The following PIEZO2 variants were observed in gnomAD, a reference collection of about 807,000 sequenced individuals.
The protein encoded by PIEZO2 is piezo-type mechanosensitive ion channel component 2.
In PIEZO2, 172 loss-of-function variants were observed where a neutral mutation model predicts 337.3. That is an observed-to-expected ratio of 0.51 (90% CI 0.45 to 0.58). The LOEUF (loss-of-function observed/expected upper bound fraction) is 0.58. Ranked by LOEUF, PIEZO2 falls within the 20% of genes least tolerant of loss-of-function variation. The probability of loss-of-function intolerance (pLI) is 0.00; values close to 1 mark genes in which losing one functional copy is unlikely to be tolerated. For synonymous variants in PIEZO2, 1,251 were observed against 1,228.5 expected (o/e 1.02, Z -0.38); for missense variants, 3,028 against 3,391.3 (o/e 0.89, Z 2.66).
rs540408101 is a variant in PIEZO2 at position 10,961,106 on chromosome 18, G to T, written c.286+18429C>A. Among the ~76,000 whole-genome samples, 4 of 152,070 alleles carry T rather than the reference G, an allele frequency of 2.6e-5. No individual in the cohort carries two copies. The South Asian group carries it at 6.2e-4, about 24-fold the overall frequency. On this transcript the variant is annotated intron_variant, in intron 3 of 55. Coordinates refer to ENST00000674853, the MANE Select transcript of PIEZO2 (RefSeq NM_001378183.1). ...TGAGGCAGGAGAATGGTGTGAACCC[G>T]GGAGGCAGAGCTTGCAGTGAGCCAA...
intron 3 of PIEZO2, among the ~76,000 whole-genome samples, chr18:10,978,516 G>A (rs1482515886): frequency 6.6e-6 from 1 of 152,092 alleles, no homozygotes; most frequent in African/African-American, 2.4e-5. Flanking sequence ...CAATAAAATG[G>A]CTGGATTGAA....
At chr18:11,142,455 G>C (rs980110531) in intron 1 of PIEZO2, among the ~76,000 whole-genome samples, 1 of 152,176 alleles carries the variant, frequency 6.6e-6, no homozygotes, top group Non-Finnish European at 1.5e-5. Context: ...TGAGGAATAT[G>C]ACAAACCTCG....
intron 33 of PIEZO2, 23 bp downstream of exon 33, chr18:10,741,008 G>C (rs898658961): frequency 6.6e-7 from 1 of 1,525,594 alleles, no homozygotes; most frequent in African/African-American, 1.4e-5. Flanking sequence ...CGATGAGGTT[G>C]TAAGGGGATC....
intron 4 of PIEZO2, chr18:10,893,524 G>A (rs2042812663): frequency 6.6e-6 from 1 of 152,258 alleles, no homozygotes; most frequent in Non-Finnish European, 1.5e-5. Flanking sequence ...GGGTCTCTCT[G>A]CATGGGTTCC....
At chr18:11,024,112 G>A (rs749475959) in intron 2 of PIEZO2, among the ~76,000 whole-genome samples, 1 of 152,242 alleles carries the variant, frequency 6.6e-6, no homozygotes, top group Non-Finnish European at 1.5e-5. Context: ...GCGGTGAGCT[G>A]AAGGGCTCCT....
At position 11,148,593 on chromosome 18, in the gene PIEZO2, T is replaced by C; in HGVS notation, c.-5A>G. 6.5e-7 allele frequency: 1 copy of C among 1,536,944 alleles called. No individual in the cohort carries two copies. Among genetic ancestry groups the C allele is most frequent in the Non-Finnish European group, 8.7e-7 (1 of 1,146,828 alleles). On this transcript the variant is annotated 5_prime_UTR_variant, in exon 1 of 56. Transcript: ENST00000674853. The surrounding 1 kb of genome is among the most constrained non-coding windows in gnomAD (Gnocchi z 5.2). The stretch of plus-strand genomic sequence containing the variant: ...GCACACCACTTCTGAGGCCATCGCG[T>C]CGGTCCGGCGAGTCGGAGCAGAGGG...
chr18:10,806,987 C>T, intron 8 of PIEZO2, 125 bp downstream of exon 8: 1 of 993,670 alleles, frequency 1.0e-6, no homozygotes, highest in Non-Finnish European at 1.4e-6. Flanking sequence ...AACATCATAC[C>T]CAGAACACTA....
chr18:10,934,336 A>T (rs1453928699), intron 3 of PIEZO2, among the ~76,000 whole-genome samples: 1 of 152,182 alleles, frequency 6.6e-6, no homozygotes, highest in Non-Finnish European at 1.5e-5. Flanking sequence ...CCCTCCCTGC[A>T]AGTCATCACC....
chr18:11,037,251 C>T (rs2036956129), intron 2 of PIEZO2, among the ~76,000 whole-genome samples: 1 of 152,194 alleles, frequency 6.6e-6, no homozygotes, highest in Admixed American at 6.5e-5. Flanking sequence ...CGTTTTGCAA[C>T]ACTTATTACA....
rs2032765337 is a variant in PIEZO2, at chr18:10,942,204, G to C, written c.287-30976C>G. On this transcript the variant is annotated intron_variant, in intron 3 of 55. Coordinates refer to ENST00000674853, the MANE Select transcript of PIEZO2 (RefSeq NM_001378183.1). The surrounding 1 kb of genome is among the most constrained non-coding windows in gnomAD (Gnocchi z 4.4). ...TCAGTAAATTGGTACCAGTAGGGTG[G>C]GGCGCTGCTGAAAAGATATCCCAAA... 6.6e-6 allele frequency among the ~76,000 whole-genome samples: 1 copy of C among 152,140 alleles called. No individual in the cohort carries two copies. The highest frequency in any genetic ancestry group is 1.5e-5 in the Non-Finnish European group (1 of 68,032).
At chr18:10,831,975 C>T (rs2040855934) in intron 7 of PIEZO2, among the ~76,000 whole-genome samples, 1 of 152,078 alleles carries the variant, frequency 6.6e-6, no homozygotes, top group Non-Finnish European at 1.5e-5. Flanking sequence ...CAACGTTCTT[C>T]CCAAAACAAT....
intron 3 of PIEZO2, among the ~76,000 whole-genome samples, chr18:10,958,875 G>A (rs75647447): frequency 4.8e-4 from 73 of 152,228 alleles, no homozygotes; most frequent in African/African-American, 1.7e-3. Flanking sequence ...TATGAGAATT[G>A]TATATTATTG....
In PIEZO2 at chr18:10,794,423, A is replaced by G. The variant is rs2144203922; in HGVS notation, c.1758+349T>C. On this transcript the variant is annotated intron_variant, in intron 13 of 55. Transcript: ENST00000674853. This position sits in a 1 kb window ranked among gnomAD's most constrained non-coding sequence, Gnocchi z 6.6. The stretch of plus-strand genomic sequence containing the variant: ...AGCATGTTTTATAAAATGATAATCA[A>G]AGACAGTCCTATAATCCCTTAACAC... 6.6e-6 allele frequency among the ~76,000 whole-genome samples: 1 copy of G among 152,330 alleles called. No individual in the cohort carries two copies. Among genetic ancestry groups the G allele is most frequent in the South Asian group, 2.1e-4 (1 of 4,828 alleles).
rs1009218455 is a variant in PIEZO2 at position 10,903,309 on chromosome 18, T to C, written c.329+7877A>G. On this transcript the variant is annotated intron_variant, in intron 4 of 55. Transcript: ENST00000674853. This position sits in a 1 kb window ranked among gnomAD's most constrained non-coding sequence, Gnocchi z 4.1. The stretch of plus-strand genomic sequence containing the variant: ...TATATTGCTGCTCGAGTGACATTTC[T>C]AGAAGCACATCTAAGCTTACCTTCT... Among the ~76,000 whole-genome samples the C allele has an allele frequency of 2.0e-5, 3 of 152,162 alleles. No homozygotes were observed. Among genetic ancestry groups the C allele is most frequent in the African/African-American group, 7.2e-5 (3 of 41,436 alleles).
intron 49 of PIEZO2, 21 bp downstream of exon 49, chr18:10,689,634 G>A: frequency 1.9e-6 from 3 of 1,614,014 alleles, no homozygotes; most frequent in Non-Finnish European, 2.5e-6. Context: ...CAGGAATAAG[G>A]CACATCTCCT....
In PIEZO2 at chr18:10,795,351, A is replaced by ATTATTTTATTTTATT. The variant is rs10694670; in HGVS notation, c.1528-364_1528-350dup. On this transcript the variant is annotated intron_variant, in intron 12 of 55. Coordinates refer to ENST00000674853, the MANE Select transcript of PIEZO2 (RefSeq NM_001378183.1). This position sits in a 1 kb window ranked among gnomAD's most constrained non-coding sequence, Gnocchi z 4.4. ...ATTTTATTTTATTTTATTTTATTTTATTATTTTATTTTATTTTATTTTATT... is the reference window on the plus strand; with the variant it reads ...ATTTTATTTTATTTTATTTTATTTTATTATTTTATTTTATTTTATTTTATTTTATTTTATTTTATT... Among the ~76,000 whole-genome samples, 29 of 20,530 alleles carry ATTATTTTATTTTATT rather than the reference A, an allele frequency of 1.4e-3. No individual in the cohort carries two copies. Among genetic ancestry groups the ATTATTTTATTTTATT allele is most frequent in the African/African-American group, 2.2e-3 (16 of 7,160 alleles). The allele number at this position is 20,530 out of a possible 152,430, so 13.5% of individuals were successfully genotyped here. A position where few individuals can be genotyped will look rare whatever the true frequency, so the allele number is the denominator to read the frequency against.
rs2040611849 is a variant in PIEZO2, at chr18:10,824,508, G to C, written c.918-17234C>G. On this transcript the variant is annotated intron_variant, in intron 7 of 55. Transcript: ENST00000674853. This position sits in a 1 kb window ranked among gnomAD's most constrained non-coding sequence, Gnocchi z 4.4. ...AATAAAATTTTAAATGAACATGACA[G>C]AGAAATTTAGATTTAGATTTCTAGA... 6.6e-6 allele frequency among the ~76,000 whole-genome samples: 1 copy of C among 152,144 alleles called. No individual in the cohort carries two copies. The highest frequency in any genetic ancestry group is 2.4e-5 in the African/African-American group (1 of 41,436).
At chr18:11,008,302 G>T (rs1295803118) in intron 2 of PIEZO2, among the ~76,000 whole-genome samples, 2 of 152,186 alleles carry the variant, frequency 1.3e-5, no homozygotes, top group African/African-American at 4.8e-5. Context: ...GCTTGTCTCT[G>T]CATTGAAAAT....
At chr18:11,089,826 G>A (rs981721345) in intron 1 of PIEZO2, among the ~76,000 whole-genome samples, 2 of 152,204 alleles carry the variant, frequency 1.3e-5, no homozygotes, top group African/African-American at 4.8e-5. Flanking sequence ...TTCCAGCTCT[G>A]TCCAACGAGC....
Sources: gnomAD v4.1 joint callset for allele counts (sites outside exome capture counted in the v4.1 genomes callset) on GRCh38, gnomAD v4.1.1 for gene constraint, Gnocchi (gnomAD v3.1) non-coding constraint, MANE v1.5 for transcripts, NCBI Gene and HGNC (gene_info 2026-07-23, HGNC 2026-07-21) for gene names.